CTNNA2: variants seen among roughly 807,000 people sequenced by gnomAD.
CTNNA2 encodes the protein catenin alpha-2.
In CTNNA2, 42 loss-of-function variants were observed where a neutral mutation model predicts 101.0. That is an observed-to-expected ratio of 0.42 (90% CI 0.32 to 0.54). The LOEUF (loss-of-function observed/expected upper bound fraction) is 0.54. CTNNA2 is among the 20% of genes least tolerant of loss of function. The pLI is 0.14. For synonymous variants in CTNNA2, 450 were observed against 456.4 expected (o/e 0.99, Z 0.18); for missense variants, 871 against 1,223.1 (o/e 0.71, Z 4.29).
intron 7 of CTNNA2, among the ~76,000 whole-genome samples, chr2:80,348,313 C>T (rs1175146780): frequency 1.3e-5 from 2 of 152,090 alleles, no homozygotes; most frequent in Non-Finnish European, 2.9e-5. Flanking sequence ...TTATTCTAGA[C>T]CAGTCAAAAG....
rs1167295218 is a variant in CTNNA2, at chr2:80,648,497, C to A, written c.*625C>A. ...CCATTACTAGTGATCATGTTTTTTT[C>A]CCCCCTTTAATGAAAACAATAAACA... On this transcript the variant is annotated 3_prime_UTR_variant, in exon 19 of 19. Coordinates refer to ENST00000402739, the MANE Select transcript of CTNNA2 (RefSeq NM_001282597.3). 6.6e-6 allele frequency: 1 copy of A among 151,580 alleles called. No homozygotes were observed. The highest frequency in any genetic ancestry group is 1.5e-5 in the Non-Finnish European group (1 of 67,974). 9.4% of individuals were successfully genotyped at this position (151,580 alleles called of 1,614,324 possible).
chr2:80,554,481 T>A (rs1290602073), intron 11 of CTNNA2, among the ~76,000 whole-genome samples: 1 of 152,194 alleles, frequency 6.6e-6, no homozygotes, highest in Non-Finnish European at 1.5e-5. Flanking sequence ...GAAATTTATG[T>A]CTCATGGTTC....
At chr2:79,360,820 C>T (rs948537854) in intron 3 of CTNNA2, among the ~76,000 whole-genome samples, 2 of 152,164 alleles carry the variant, frequency 1.3e-5, no homozygotes, top group African/African-American at 4.8e-5. Context: ...GAGAGACCCA[C>T]AGCTAAGATC....
intron 7 of CTNNA2, among the ~76,000 whole-genome samples, chr2:80,384,599 G>C (rs993784934): frequency 6.6e-6 from 1 of 151,470 alleles, no homozygotes; most frequent in African/African-American, 2.4e-5. Context: ...TCTCCACTGT[G>C]GTGAGTGGGT....
chr2:79,200,060 C>A (rs772531342), intron 2 of CTNNA2, among the ~76,000 whole-genome samples: 34 of 151,972 alleles, frequency 2.2e-4, no homozygotes, highest in Non-Finnish European at 4.0e-4. Flanking sequence ...AGACCACTCT[C>A]TAGTCTTTTC....
chr2:79,670,391 A>G (rs2104579042), intron 2 of CTNNA2, among the ~76,000 whole-genome samples: 1 of 152,266 alleles, frequency 6.6e-6, no homozygotes, highest in South Asian at 2.1e-4. Flanking sequence ...CCGTGGAACA[A>G]AAGACCTGGG....
chr2:79,792,108 T>G (rs1005400062), intron 3 of CTNNA2, among the ~76,000 whole-genome samples: 1 of 152,198 alleles, frequency 6.6e-6, no homozygotes, highest in African/African-American at 2.4e-5. Context: ...GACCTATTCT[T>G]TCTCAGCTCT....
At chr2:79,651,492 C>T (rs144009840) in intron 1 of CTNNA2, 60 bp from the exon 2 acceptor site, 288 of 1,502,710 alleles carry the variant, frequency 1.9e-4, no homozygotes, top group Non-Finnish European at 2.4e-4. Flanking sequence ...TTTTGAATCA[C>T]CAAAGTTACA....
At chr2:79,926,129 A>C (rs1687005294) in intron 7 of CTNNA2, among the ~76,000 whole-genome samples, 1 of 152,114 alleles carries the variant, frequency 6.6e-6, no homozygotes, top group African/African-American at 2.4e-5. Flanking sequence ...ATTAATGAGA[A>C]TGGTTCTGGC....
intron 7 of CTNNA2, among the ~76,000 whole-genome samples, chr2:80,132,765 C>T (rs1702481799): frequency 6.6e-6 from 1 of 151,940 alleles, no homozygotes; most frequent in Admixed American, 6.6e-5. Context: ...TTGTTATTCT[C>T]TCTATTTTGT....
chr2:79,387,360 A>G (rs1005559173), intron 4 of CTNNA2, among the ~76,000 whole-genome samples: 3 of 152,262 alleles, frequency 2.0e-5, no homozygotes, highest in Admixed American at 6.5e-5. Flanking sequence ...TAAGCTTTCT[A>G]TTTCCAGATT....
intron 2 of CTNNA2, among the ~76,000 whole-genome samples, chr2:79,243,205 T>G (rs566020414): frequency 6.6e-6 from 1 of 152,138 alleles, no homozygotes; most frequent in Admixed American, 6.5e-5. Flanking sequence ...GGAAGCTGAC[T>G]GTAGGTGGGC....
At chr2:80,607,674 A>G (rs1454318561) in intron 16 of CTNNA2, among the ~76,000 whole-genome samples, 1 of 151,872 alleles carries the variant, frequency 6.6e-6, no homozygotes, top group Non-Finnish European at 1.5e-5. Flanking sequence ...AAATTCCAAA[A>G]AGTGTAATAG....
At chr2:79,257,406 A>T (rs1181794658) in intron 2 of CTNNA2, among the ~76,000 whole-genome samples, 1 of 152,120 alleles carries the variant, frequency 6.6e-6, no homozygotes, top group Non-Finnish European at 1.5e-5. Context: ...GGGACACACA[A>T]ATAATACTTT....
At chr2:80,602,678 CA>C (rs1419750744) in intron 15 of CTNNA2, among the ~76,000 whole-genome samples, 1 of 152,014 alleles carries the variant, frequency 6.6e-6, no homozygotes, top group Admixed American at 6.6e-5. Context: ...GAATAGCAAA[CA>C]GATTGTCACA....
chr2:79,187,462 G>A (rs954636469), intron 1 of CTNNA2, among the ~76,000 whole-genome samples: 2 of 151,330 alleles, frequency 1.3e-5, no homozygotes, highest in Non-Finnish European at 2.9e-5. Flanking sequence ...TTATTTTTAA[G>A]TTTCTTAATT....
chr2:80,584,244 C>T (rs903061668), intron 14 of CTNNA2, among the ~76,000 whole-genome samples: 1 of 152,072 alleles, frequency 6.6e-6, no homozygotes, highest in African/African-American at 2.4e-5. Flanking sequence ...TTTGTGTTCA[C>T]ATTTAGAGAA....
intron 7 of CTNNA2, among the ~76,000 whole-genome samples, chr2:80,387,406 TC>T (rs986696757): frequency 1.3e-5 from 2 of 152,208 alleles, no homozygotes; most frequent in African/African-American, 4.8e-5. Flanking sequence ...TTTATATAAA[TC>T]CATTACAAAC....
intron 7 of CTNNA2, among the ~76,000 whole-genome samples, chr2:80,360,966 A>C (rs11894424): frequency 0.16 from 24,584 of 151,656 alleles, 3,858 homozygotes; most frequent in African/African-American, 0.41. Context: ...GGTTTTTTTT[A>C]AATAGATGAT....
Sources: gnomAD v4.1 joint callset for allele counts (sites outside exome capture counted in the v4.1 genomes callset) on GRCh38, gnomAD v4.1.1 for gene constraint, MANE v1.5 for transcripts, NCBI Gene and HGNC (gene_info 2026-07-23, HGNC 2026-07-21) for gene names.